LRRIQ3: variants seen among roughly 807,000 people sequenced by gnomAD.
LRRIQ3 encodes the protein leucine rich repeats and IQ motif containing 3.
LRRIQ3 carries 75 observed loss-of-function variants against 59.3 expected under a neutral mutation model. That is an observed-to-expected ratio of 1.26 (90% CI 1.05 to 1.53). The LOEUF (loss-of-function observed/expected upper bound fraction) is 1.53, where lower values mean the gene tolerates loss of function less well. Ranked by LOEUF, LRRIQ3 falls within the 40% of genes most tolerant of loss-of-function variation. The pLI is 0.00. For synonymous variants in LRRIQ3, 250 were observed against 231.3 expected, an observed-to-expected ratio of 1.08 and a Z score of -0.73; for missense variants, 831 against 710.0, an observed-to-expected ratio of 1.17 and a Z score of -1.94.
At chr1:74,051,551 T>C (rs1008660097) in intron 6 of LRRIQ3, among the ~76,000 whole-genome samples, 2 of 152,022 alleles carry the variant, frequency 1.3e-5, no homozygotes, top group East Asian at 3.8e-4. Context: ...AATACATTTA[T>C]AGAGTTGTGC....
chr1:74,174,600 ACCAGGCTGGC>A (rs1649527974), intron 3 of LRRIQ3, among the ~76,000 whole-genome samples: 1 of 149,934 alleles, frequency 6.7e-6, no homozygotes, highest in South Asian at 2.1e-4. Context: ...TACCATGTTA[ACCAGGCTGGC>A]CTTGAACTTC....
chr1:74,109,580 T>C, intron 4 of LRRIQ3, 27 bp from the exon 5 acceptor site: 3 of 1,528,122 alleles, frequency 2.0e-6, no homozygotes, highest in Non-Finnish European at 2.6e-6. Flanking sequence ...GGGAAAACTA[T>C]TTGTTAGTTT....
chr1:74,172,914 T>C (rs1366715335), intron 3 of LRRIQ3, among the ~76,000 whole-genome samples: 2 of 152,188 alleles, frequency 1.3e-5, no homozygotes, highest in South Asian at 2.1e-4. Context: ...GCAAGAAATA[T>C]GTTTTTCCAT....
chr1:74,063,875 A>G (rs1011824386), intron 6 of LRRIQ3, among the ~76,000 whole-genome samples: 4 of 151,792 alleles, frequency 2.6e-5, no homozygotes, highest in African/African-American at 9.7e-5. Flanking sequence ...TTATCAATTC[A>G]CATTTAATTT....
intron 6 of LRRIQ3, among the ~76,000 whole-genome samples, chr1:74,043,739 A>G (rs1654116994): frequency 6.6e-6 from 1 of 152,140 alleles, no homozygotes; most frequent in Admixed American, 6.6e-5. Flanking sequence ...GTAGGGTTCT[A>G]ACAACATTGT....
intron 5 of LRRIQ3, among the ~76,000 whole-genome samples, chr1:74,090,637 C>T (rs1646384502): frequency 6.6e-6 from 1 of 152,010 alleles, no homozygotes; most frequent in African/African-American, 2.4e-5. Flanking sequence ...TCTGTAATCC[C>T]AGCACTTTGA....
At chr1:74,104,348 A>G (rs1272242150) in intron 5 of LRRIQ3, among the ~76,000 whole-genome samples, 1 of 152,036 alleles carries the variant, frequency 6.6e-6, no homozygotes, top group Non-Finnish European at 1.5e-5. Flanking sequence ...ATTTACCCAA[A>G]TGAATAAAAA....
At chr1:74,083,503 A>G (rs1159180801) in intron 5 of LRRIQ3, 2 of 151,700 alleles carry the variant, frequency 1.3e-5, no homozygotes, top group Non-Finnish European at 3.0e-5. Context: ...CCTGCAAGTG[A>G]CTGTAAGTCT....
chr1:74,099,825 A>T (rs1324596271), intron 5 of LRRIQ3, among the ~76,000 whole-genome samples: 3 of 152,194 alleles, frequency 2.0e-5, no homozygotes, highest in Non-Finnish European at 4.4e-5. Context: ...ATCTCAATAG[A>T]TGCAGAAAAG....
rs368082605 is a variant in LRRIQ3 at position 74,041,940 on chromosome 1, C to T, written c.998-7G>A. ...TCATCTTCAGACTCCTGACCTACATCAAACAGAAGCAAATATTATACATTA... is the reference window on the plus strand; with the variant it reads ...TCATCTTCAGACTCCTGACCTACATTAAACAGAAGCAAATATTATACATTA... On this transcript the variant is annotated splice_region_variant and splice_polypyrimidine_tract_variant and intron_variant, in intron 6 of 7. Transcript: ENST00000354431. The T allele has an allele frequency of 7.0e-6, 11 of 1,575,840 alleles. No homozygotes were observed. The African/African-American group carries it at 1.2e-4, about 17-fold the overall frequency.
At chr1:74,145,009 T>G (rs774655752) in intron 4 of LRRIQ3, among the ~76,000 whole-genome samples, 1 of 152,112 alleles carries the variant, frequency 6.6e-6, no homozygotes, top group Admixed American at 6.6e-5. Context: ...TTGCTTATTA[T>G]GATAATATGA....
In LRRIQ3 at chr1:74,186,172, G is replaced by C. The variant is rs1650364679; in HGVS notation, c.1-2488C>G. On this transcript the variant is annotated intron_variant, in intron 1 of 7. Coordinates refer to ENST00000354431, the MANE Select transcript of LRRIQ3 (RefSeq NM_001105659.2). The stretch of plus-strand genomic sequence containing the variant: ...ACAGTCTATTTTGAAATTTCTTTAT[G>C]AAGATATTATCTTCTTCCTGGCATT... Among the ~76,000 whole-genome samples, 5 of 151,174 alleles carry C rather than the reference G, an allele frequency of 3.3e-5. No individual in the cohort carries two copies. In the South Asian group the frequency reaches 1.0e-3, roughly 31 times the overall value.
At chr1:74,066,182 G>A (rs1654860893) in intron 6 of LRRIQ3, among the ~76,000 whole-genome samples, 1 of 115,232 alleles carries the variant, frequency 8.7e-6, no homozygotes, top group Non-Finnish European at 1.8e-5. Context: ...GAGAAACTCT[G>A]TCTCGAAAAA....
intron 5 of LRRIQ3, among the ~76,000 whole-genome samples, chr1:74,086,443 G>C (rs1189001385): frequency 6.6e-6 from 1 of 152,076 alleles, no homozygotes; most frequent in African/African-American, 2.4e-5. Context: ...ACAATGAATA[G>C]AGCTTACAGT....
intron 3 of LRRIQ3, among the ~76,000 whole-genome samples, chr1:74,178,052 A>G (rs2100714846): frequency 6.6e-6 from 1 of 152,034 alleles, no homozygotes; most frequent in East Asian, 1.9e-4. Flanking sequence ...AAGAGTTCCT[A>G]TCTATGCCAT....
chr1:74,147,112 C>T (rs1459130018), intron 4 of LRRIQ3, among the ~76,000 whole-genome samples: 1 of 152,070 alleles, frequency 6.6e-6, no homozygotes, highest in African/African-American at 2.4e-5. Flanking sequence ...CCTGTGGTCC[C>T]AGCCACTCAG....
At chr1:74,106,443 T>C (rs1161987506) in intron 5 of LRRIQ3, among the ~76,000 whole-genome samples, 1 of 151,974 alleles carries the variant, frequency 6.6e-6, no homozygotes, top group East Asian at 1.9e-4. Flanking sequence ...CCCCATCTAT[T>C]TCCTTTTGGC....
rs1322871460 is a variant in LRRIQ3, at chr1:74,060,188, T to TTTCTTCTTCTTC, written c.997+14461_997+14472dup. ...TCGTCGTCATCTTCTTCTTCTTCTT[T>TTTCTTCTTCTTC]TTCTTCTTCTTCTTCTTCTTCTTCT... On this transcript the variant is annotated intron_variant, in intron 6 of 7. Coordinates refer to ENST00000354431, the MANE Select transcript of LRRIQ3 (RefSeq NM_001105659.2). 2.1e-3 allele frequency among the ~76,000 whole-genome samples: 238 copies of TTTCTTCTTCTTC among 111,620 alleles called. 4 individuals carry two copies. Among genetic ancestry groups the TTTCTTCTTCTTC allele is most frequent in the African/African-American group, 4.2e-3 (134 of 31,682 alleles). 73.2% of individuals were successfully genotyped at this position (111,620 alleles called of 152,430 possible).
At chr1:74,043,167 G>A (rs546412159) in intron 6 of LRRIQ3, among the ~76,000 whole-genome samples, 1 of 152,186 alleles carries the variant, frequency 6.6e-6, no homozygotes, top group Non-Finnish European at 1.5e-5. Context: ...AGAATCAGGT[G>A]ACAAATACAA....
Sources: allele counts gnomAD v4.1 joint callset (sites outside exome capture counted in the v4.1 genomes callset), GRCh38; gene constraint gnomAD v4.1.1; transcripts MANE v1.5; gene names NCBI Gene and HGNC (gene_info 2026-07-23, HGNC 2026-07-21).